Variants in PTPRN2 observed in about 807,000 individuals in gnomAD.
PTPRN2 encodes protein tyrosine phosphatase receptor type N2.
Under a neutral mutation model 118.8 loss-of-function variants are expected in PTPRN2, and 74 were observed. The observed-to-expected ratio is 0.62, with a 90% CI of 0.52 to 0.76. The LOEUF (loss-of-function observed/expected upper bound fraction) is 0.76, where lower values mean the gene tolerates loss of function less well. PTPRN2 is among the 30% of genes least tolerant of loss of function. The pLI is 0.00. For missense variants in PTPRN2, 1,481 were observed against 1,394.4 expected (o/e 1.06, Z -0.99); for synonymous variants, 641 against 608.0 (o/e 1.05, Z -0.80).
At chr7:158,262,837 TAC>T (rs369501826) in intron 3 of PTPRN2, among the ~76,000 whole-genome samples, 48 of 127,252 alleles carry the variant, frequency 3.8e-4, no homozygotes, top group South Asian at 2.3e-3. Flanking sequence ...ATTCACACAC[TAC>T]ACACACATAC....
At chr7:158,484,459 T>C (rs1284043026) in intron 2 of PTPRN2, among the ~76,000 whole-genome samples, 1 of 152,152 alleles carries the variant, frequency 6.6e-6, no homozygotes, top group Non-Finnish European at 1.5e-5. Flanking sequence ...ACCTCCCAGG[T>C]TCAAGCGATT....
chr7:158,385,712 C>T (rs1335646800), intron 2 of PTPRN2, among the ~76,000 whole-genome samples: 28 of 152,166 alleles, frequency 1.8e-4, no homozygotes, highest in Admixed American at 1.8e-3. Context: ...TGATGAGCTA[C>T]GTGATACCAG....
intron 12 of PTPRN2, among the ~76,000 whole-genome samples, chr7:157,723,766 G>A (rs1047208479): frequency 2.0e-5 from 3 of 152,160 alleles, no homozygotes; most frequent in South Asian, 2.1e-4. Flanking sequence ...GAAGGAACAC[G>A]GACCCTGAGC....
At chr7:157,890,003 A>C (rs1470688152) in intron 12 of PTPRN2, among the ~76,000 whole-genome samples, 1 of 152,240 alleles carries the variant, frequency 6.6e-6, no homozygotes, top group Non-Finnish European at 1.5e-5. Context: ...ATTTTAAATG[A>C]AATCACAGAA....
At chr7:158,047,848 G>T (rs1006681383) in intron 11 of PTPRN2, among the ~76,000 whole-genome samples, 2 of 152,186 alleles carry the variant, frequency 1.3e-5, no homozygotes, top group African/African-American at 4.8e-5. Flanking sequence ...TGGGCAAGCC[G>T]GGAGCTCTCA....
At chr7:158,344,531 C>T (rs73748218) in intron 2 of PTPRN2, among the ~76,000 whole-genome samples, 4,497 of 89,738 alleles carry the variant, frequency 0.05, 212 homozygotes, top group African/African-American at 0.16. Context: ...TACAAGACAC[C>T]CTGGAGTCTG....
chr7:157,844,877 G>A (rs756363909), intron 12 of PTPRN2, among the ~76,000 whole-genome samples: 14 of 152,182 alleles, frequency 9.2e-5, no homozygotes, highest in Non-Finnish European at 1.2e-4. Flanking sequence ...CCGGGTGCTC[G>A]TGTCCGTGCA....
At chr7:158,348,084 C>T (rs940194588) in intron 2 of PTPRN2, among the ~76,000 whole-genome samples, 2 of 152,154 alleles carry the variant, frequency 1.3e-5, no homozygotes, top group Non-Finnish European at 2.9e-5. Flanking sequence ...ACGGCCCCCT[C>T]CTACATGCTT....
chr7:157,544,394 G>A (rs910382543), intron 22 of PTPRN2, among the ~76,000 whole-genome samples: 8 of 152,066 alleles, frequency 5.3e-5, no homozygotes, highest in Non-Finnish European at 8.8e-5. Context: ...CACCGGGTAC[G>A]TCTGAGGAGG....
intron 12 of PTPRN2, among the ~76,000 whole-genome samples, chr7:157,718,197 C>T (rs541385113): frequency 1.3e-5 from 2 of 152,248 alleles, no homozygotes; most frequent in African/African-American, 2.4e-5. Context: ...AAGATCAGAA[C>T]AATTTGAATG....
At chr7:158,173,369 A>G (rs947899005) in intron 5 of PTPRN2, among the ~76,000 whole-genome samples, 1 of 152,218 alleles carries the variant, frequency 6.6e-6, no homozygotes, top group African/African-American at 2.4e-5. Flanking sequence ...GTAACATCAC[A>G]TATTGGCAGG....
At chr7:158,371,726 C>T (rs1248265429) in intron 2 of PTPRN2, among the ~76,000 whole-genome samples, 1 of 152,132 alleles carries the variant, frequency 6.6e-6, no homozygotes. Context: ...GAAAACCGTT[C>T]GTTTTCAAAG....
intron 22 of PTPRN2, among the ~76,000 whole-genome samples, chr7:157,543,061 G>A (rs367811166): frequency 9.2e-5 from 14 of 152,168 alleles, no homozygotes; most frequent in African/African-American, 1.7e-4. Flanking sequence ...TCTAGATCCC[G>A]GGTAGGCTGG....
chr7:158,215,797 A>G (rs1329023190), intron 3 of PTPRN2, among the ~76,000 whole-genome samples: 1 of 152,222 alleles, frequency 6.6e-6, no homozygotes, highest in Non-Finnish European at 1.5e-5. Context: ...TCCTTCAGGA[A>G]TCAGGGGGAA....
chr7:157,629,081 T>C lies in PTPRN2; in HGVS notation c.2197-7572A>G, dbSNP rs144100222. 3.0e-3 allele frequency among the ~76,000 whole-genome samples: 461 copies of C among 152,278 alleles called. 5 individuals carry two copies. The highest frequency in any genetic ancestry group is 0.011 in the African/African-American group (438 of 41,562). On this transcript the variant is annotated intron_variant, in intron 14 of 22. Coordinates refer to ENST00000389418, the MANE Select transcript of PTPRN2 (RefSeq NM_002847.5). This position sits in a 1 kb window ranked among gnomAD's most constrained non-coding sequence, Gnocchi z 4.4. ...ACACGAAACATGCTCGCCTTCCTGT[T>C]GGCACCAGGAGGAAGTGCAGCTGCC...
At chr7:158,190,291 A>G (rs546850071) in intron 5 of PTPRN2, among the ~76,000 whole-genome samples, 199 of 152,320 alleles carry the variant, frequency 1.3e-3, no homozygotes, top group African/African-American at 4.6e-3. Context: ...ACAGAGCTGC[A>G]TGAAATCCAC....
chr7:158,382,679 G>A (rs4243843), intron 2 of PTPRN2, among the ~76,000 whole-genome samples: 134,200 of 152,082 alleles, frequency 0.88, 60,657 homozygotes, highest in Non-Finnish European at 0.97. Flanking sequence ...TGTGAACTGC[G>A]CACAGGAGGG....
Position 157,986,127 on chromosome 7 carries a change from G to A in PTPRN2, c.1724-87390C>T, listed in dbSNP as rs547223446. 1.3e-5 allele frequency among the ~76,000 whole-genome samples: 2 copies of A among 152,202 alleles called. No individual in the cohort carries two copies. Among genetic ancestry groups the A allele is most frequent in the African/African-American group, 4.8e-5 (2 of 41,446 alleles). On this transcript the variant is annotated intron_variant, in intron 11 of 22. Coordinates refer to ENST00000389418, the MANE Select transcript of PTPRN2 (RefSeq NM_002847.5). The surrounding 1 kb of genome is among the most constrained non-coding windows in gnomAD (Gnocchi z 4.5). Reference sequence around the variant, plus strand: ...GACCATCTTCTCTGGTGCTCAGTGAGGCAATAGCATGAGATAGATACCCTC... The same window carrying A: ...GACCATCTTCTCTGGTGCTCAGTGAAGCAATAGCATGAGATAGATACCCTC...
intron 21 of PTPRN2, among the ~76,000 whole-genome samples, chr7:157,552,629 C>T (rs1585020619): frequency 6.6e-6 from 1 of 152,228 alleles, no homozygotes; most frequent in South Asian, 2.1e-4. Context: ...AAATGTATTA[C>T]AACCAGTCTT....
Sources: gnomAD v4.1 joint callset for allele counts (sites outside exome capture counted in the v4.1 genomes callset) on GRCh38, gnomAD v4.1.1 for gene constraint, Gnocchi (gnomAD v3.1) non-coding constraint, MANE v1.5 for transcripts, NCBI Gene and HGNC (gene_info 2026-07-23, HGNC 2026-07-21) for gene names.